Variants in SPICE1 observed in about 807,000 individuals in gnomAD.
SPICE1 encodes the protein spindle and centriole-associated protein 1.
Under a neutral mutation model 102.7 loss-of-function variants are expected in SPICE1, and 75 were observed. The ratio of observed to expected loss-of-function variants is 0.73; its 90% CI spans 0.61 to 0.88. The LOEUF (loss-of-function observed/expected upper bound fraction) is 0.88, where lower values mean the gene tolerates loss of function less well. Ranked by LOEUF, SPICE1 falls within the 40% of genes least tolerant of loss-of-function variation. SPICE1 has a pLI of 0.00. For missense variants in SPICE1, 979 were observed against 1,020.1 expected (o/e 0.96, Z 0.55); for synonymous variants, 308 against 350.3 (o/e 0.88, Z 1.35).
chr3:113,452,155 T>G (rs1016873741), intron 14 of SPICE1, among the ~76,000 whole-genome samples: 1 of 152,164 alleles, frequency 6.6e-6, no homozygotes, highest in Admixed American at 6.5e-5. Context: ...AAATGAAGGT[T>G]TAAGTTACCA....
At position 113,506,494 on chromosome 3, in the gene SPICE1, C is replaced by T. The variant is rs2107507497; in HGVS notation, c.99+13G>A. Reference sequence around the variant, plus strand: ...AGTAATGTTACATTATTTACTATCCCACCTATACTCACATCCCATTCTTGT... The same window carrying T: ...AGTAATGTTACATTATTTACTATCCTACCTATACTCACATCCCATTCTTGT... On this transcript the variant is annotated intron_variant, in intron 2 of 17. Transcript: ENST00000295872. 1.3e-6 allele frequency: 2 copies of T among 1,591,008 alleles called. No homozygotes were observed. Among genetic ancestry groups the T allele is most frequent in the South Asian group, 2.2e-5 (2 of 90,248 alleles).
intron 7 of SPICE1, 74 bp downstream of exon 7, chr3:113,488,871 A>G: frequency 1.3e-6 from 1 of 798,384 alleles, no homozygotes; most frequent in African/African-American, 1.7e-5. Context: ...ATAAAAAATG[A>G]TGCAATAGGC....
At chr3:113,456,180 G>A (rs1935774572) in intron 13 of SPICE1, among the ~76,000 whole-genome samples, 2 of 152,104 alleles carry the variant, frequency 1.3e-5, no homozygotes, top group Non-Finnish European at 2.9e-5. Flanking sequence ...GCAAGGATTT[G>A]CCATTTTCTT....
chr3:113,504,748 C>T (rs545100810), intron 2 of SPICE1, among the ~76,000 whole-genome samples: 1 of 152,236 alleles, frequency 6.6e-6, no homozygotes, highest in Non-Finnish European at 1.5e-5. Context: ...AAAACCATTG[C>T]TTAAAACCAT....
rs780026428 is a variant in SPICE1 at position 113,468,333 on chromosome 3, C to T, written c.961G>A (p.Ala321Thr). The change falls in exon 10 of 18, where the codon GCA becomes ACA. Residue 321 changes from alanine to threonine, a missense_variant. Ala to Thr is a moderately conservative substitution (Grantham distance 58, BLOSUM62 0). Transcript: ENST00000295872. ...GAATTAGTCCTATTTGGTAAGTCTG[C>T]AGAGGTTGTGCTACCTGATGATATG... is the stretch of plus-strand genomic sequence containing the variant. ...KNISSGSTTS[A>T]DLPNRTNSNL... 6.2e-7 allele frequency: 1 copy of T among 1,614,064 alleles called. No homozygotes were observed. Among genetic ancestry groups the T allele is most frequent in the Admixed American group, 1.7e-5 (1 of 60,006 alleles).
intron 17 of SPICE1, 41 bp downstream of exon 17, chr3:113,446,548 T>C (rs1211672704): frequency 6.9e-7 from 1 of 1,447,454 alleles, no homozygotes; most frequent in Non-Finnish European, 9.7e-7. Flanking sequence ...CCTTCTACCC[T>C]CACCCCTATA....
At chr3:113,485,179 T>G (rs6781507) in intron 7 of SPICE1, among the ~76,000 whole-genome samples, 5,534 of 150,924 alleles carry the variant, frequency 0.037, 164 homozygotes, top group African/African-American at 0.07. Context: ...TTTGTTTGTT[T>G]TTTTTTTTTT....
In SPICE1 at chr3:113,457,762, G is replaced by C. The variant is rs929920680; in HGVS notation, c.1436-405C>G. 8.0e-4 allele frequency among the ~76,000 whole-genome samples: 121 copies of C among 152,070 alleles called. 2 individuals are homozygous for C. Among genetic ancestry groups the C allele is most frequent in the Admixed American group, 7.9e-3 (121 of 15,266 alleles). On this transcript the variant is annotated intron_variant, in intron 12 of 17. Transcript: ENST00000295872. ...AAGCCTCGACCTCCCAGGCTCCAGT[G>C]ATCTTCCCACCTCAGCCTCCCGAGT...
intron 11 of SPICE1, among the ~76,000 whole-genome samples, chr3:113,462,444 G>C (rs1935953498): frequency 6.6e-6 from 1 of 152,166 alleles, no homozygotes; most frequent in South Asian, 2.1e-4. Context: ...CATTCCTTTT[G>C]AGGATGTCAA....
chr3:113,458,552 C>A (rs975397064), intron 12 of SPICE1, among the ~76,000 whole-genome samples: 2 of 152,188 alleles, frequency 1.3e-5, no homozygotes, highest in Non-Finnish European at 2.9e-5. Flanking sequence ...GGCGTGATTT[C>A]GGCTCGCTAC....
chr3:113,466,602 C>T (rs983135907), intron 10 of SPICE1, among the ~76,000 whole-genome samples: 1 of 146,486 alleles, frequency 6.8e-6, no homozygotes, highest in African/African-American at 2.6e-5. Context: ...GAGCGAGACT[C>T]TGTCTCAAAA....
chr3:113,494,646 C>CAA (rs35761157), intron 4 of SPICE1, among the ~76,000 whole-genome samples: 23 of 108,468 alleles, frequency 2.1e-4, no homozygotes, highest in Admixed American at 5.1e-4. Flanking sequence ...GACTCCGTCT[C>CAA]AAAAAAAAAA....
chr3:113,499,397 TCTC>T (rs1415952338), intron 4 of SPICE1, 39 bp downstream of exon 4: 7 of 1,582,286 alleles, frequency 4.4e-6, no homozygotes, highest in Non-Finnish European at 6.0e-6. Flanking sequence ...ACCCTATTTA[TCTC>T]CTTTTTTTCT....
rs529708926 is a variant in SPICE1 at position 113,469,946 on chromosome 3, T to C, written c.612-708A>G. Reference sequence around the variant, plus strand: ...AGTCTCTGCTCATCAATGAAGTAAATTGACCACAGCATACTCTGTCCCTGT... The same window carrying C: ...AGTCTCTGCTCATCAATGAAGTAAACTGACCACAGCATACTCTGTCCCTGT... On this transcript the variant is annotated intron_variant, in intron 7 of 17. Coordinates refer to ENST00000295872, the MANE Select transcript of SPICE1 (RefSeq NM_144718.4). Among the ~76,000 whole-genome samples, 168 of 152,256 alleles carry C rather than the reference T, an allele frequency of 1.1e-3. 1 individual carries two copies. The highest frequency in any genetic ancestry group is 3.8e-3 in the African/African-American group (159 of 41,546).
chr3:113,509,185 T>C (rs1937170530), intron 1 of SPICE1, among the ~76,000 whole-genome samples: 1 of 152,174 alleles, frequency 6.6e-6, no homozygotes, highest in Non-Finnish European at 1.5e-5. Flanking sequence ...ATTATGTGAA[T>C]TGACTAAAAA....
intron 10 of SPICE1, 65 bp from the exon 11 acceptor site, chr3:113,465,849 C>T: frequency 6.6e-7 from 1 of 1,521,222 alleles, no homozygotes; most frequent in Non-Finnish European, 8.9e-7. Flanking sequence ...AAAGTTTGCA[C>T]TCAAAGCTGG....
intron 1 of SPICE1, chr3:113,514,488 T>C (rs962949408): frequency 3.2e-5 from 12 of 377,850 alleles, no homozygotes; most frequent in East Asian, 7.3e-5. Flanking sequence ...CTCCCCCATA[T>C]GGCCCGGCTG....
intron 1 of SPICE1, among the ~76,000 whole-genome samples, chr3:113,509,086 T>C (rs1316654580): frequency 6.6e-6 from 1 of 152,086 alleles, no homozygotes; most frequent in Non-Finnish European, 1.5e-5. Context: ...AGAGGGAGCA[T>C]ATAATGGAGA....
At chr3:113,493,145 C>A in intron 6 of SPICE1, 61 bp downstream of exon 6, 1 of 1,179,796 alleles carries the variant, frequency 8.5e-7, no homozygotes, top group Non-Finnish European at 1.2e-6. Flanking sequence ...TACCACAAGG[C>A]CTATATCAAC....
Sources: allele counts gnomAD v4.1 joint callset (sites outside exome capture counted in the v4.1 genomes callset), GRCh38; gene constraint gnomAD v4.1.1; transcripts MANE v1.5; gene names NCBI Gene and HGNC (gene_info 2026-07-23, HGNC 2026-07-21).